FGD4: variants seen among roughly 807,000 people sequenced by gnomAD.
FGD4 encodes FYVE, RhoGEF and PH domain-containing protein 4.
FGD4 carries 42 observed loss-of-function variants against 102.0 expected under a neutral mutation model. The ratio of observed to expected loss-of-function variants is 0.41; its 90% CI spans 0.32 to 0.53. The LOEUF (loss-of-function observed/expected upper bound fraction) is 0.53. Ranked by LOEUF, FGD4 falls within the 20% of genes least tolerant of loss-of-function variation. The pLI, the probability that FGD4 is intolerant of heterozygous loss-of-function variation, is 0.21. For missense variants in FGD4, 902 were observed against 1,078.2 expected (o/e 0.84, Z 2.29); for synonymous variants, 380 against 375.7 (o/e 1.01, Z -0.13).
In FGD4 at chr12:32,624,478, C is replaced by CT. The variant is rs778590339; in HGVS notation, c.1953+29dup. The CT allele has an allele frequency of 4.5e-6, 7 of 1,558,408 alleles. No homozygotes were observed. In the African/African-American group the frequency reaches 7.2e-5, roughly 16 times the overall value. On this transcript the variant is annotated intron_variant, in intron 12 of 16. Coordinates refer to ENST00000534526, the MANE Select transcript of FGD4 (RefSeq NM_001370298.3). Reference sequence around the variant, plus strand: ...GTAAGCCTCATTTCTGTTTCCTTTTCTTTCTTTTTTTTTTTGAGGCAGAGT... The same window carrying CT: ...GTAAGCCTCATTTCTGTTTCCTTTTCTTTTCTTTTTTTTTTTGAGGCAGAGT...
chr12:32,399,642 G>C lies in FGD4; in HGVS notation c.-152G>C. 1 of 1,411,252 alleles carries C rather than the reference G, an allele frequency of 7.1e-7. No homozygotes were observed. The highest frequency in any genetic ancestry group is 3.0e-5 in the Admixed American group (1 of 33,040). The allele number at this position is 1,411,252 out of a possible 1,614,324, so 87.4% of individuals were successfully genotyped here. A position where few individuals can be genotyped will look rare whatever the true frequency, so the allele number is the denominator to read the frequency against. ...CCGGGAGGGAGCGTACCGGGAAGGA[G>C]AGGGAGAGGAGGCACTCGCTGAGGA... On this transcript the variant is annotated 5_prime_UTR_variant, in exon 1 of 17. Transcript: ENST00000534526.
chr12:32,639,099 C>T (rs1951016756), intron 16 of FGD4, among the ~76,000 whole-genome samples: 1 of 152,034 alleles, frequency 6.6e-6, no homozygotes, highest in African/African-American at 2.4e-5. Context: ...AGAAACAAGC[C>T]TTTTTAATGA....
chr12:32,408,144 C>T (rs1370066180), intron 1 of FGD4, among the ~76,000 whole-genome samples: 1 of 150,772 alleles, frequency 6.6e-6, no homozygotes, highest in African/African-American at 2.4e-5. Flanking sequence ...GGATTACAGG[C>T]CACACCATCA....
chr12:32,575,846 T>C (rs571534896), intron 2 of FGD4, among the ~76,000 whole-genome samples: 19 of 152,370 alleles, frequency 1.2e-4, no homozygotes, highest in African/African-American at 4.6e-4. Flanking sequence ...CTGTGGATTC[T>C]GGTATATCAA....
At chr12:32,481,459 T>G (rs1371364703) in intron 1 of FGD4, among the ~76,000 whole-genome samples, 2 of 152,184 alleles carry the variant, frequency 1.3e-5, no homozygotes, top group Non-Finnish European at 2.9e-5. Context: ...TGTAAGTATT[T>G]CTAAATAAAA....
chr12:32,409,329 C>T (rs1941100978), intron 1 of FGD4, among the ~76,000 whole-genome samples: 1 of 150,442 alleles, frequency 6.6e-6, no homozygotes, highest in African/African-American at 2.4e-5. Context: ...ACTCTTGTCC[C>T]CCAAGCTGGA....
rs61748364 is a variant in FGD4, at chr12:32,624,993, C to A, written c.1971C>A (p.Ile657=). ...EEWIKALQET[I]DAFHQRHETF... ...TACTTTAGGCCCTTCAAGAAACCAT[C>A]GATGCTTTTCATCAAAGGCATGAAA... Residue 657 remains isoleucine, a synonymous_variant, in exon 13 of 17, where the codon ATC becomes ATA. Transcript: ENST00000534526. 2 of 1,613,136 alleles carry A rather than the reference C, an allele frequency of 1.2e-6. No homozygotes were observed. Among genetic ancestry groups the A allele is most frequent in the Non-Finnish European group, 1.7e-6 (2 of 1,179,418 alleles).
At chr12:32,452,199 A>G (rs1942797885) in intron 1 of FGD4, among the ~76,000 whole-genome samples, 1 of 152,194 alleles carries the variant, frequency 6.6e-6, no homozygotes, top group Admixed American at 6.5e-5. Flanking sequence ...CTGTTTCACT[A>G]TTATTTTTCA....
At chr12:32,631,568 G>A (rs570788860) in intron 14 of FGD4, among the ~76,000 whole-genome samples, 20 of 148,122 alleles carry the variant, frequency 1.4e-4, no homozygotes, top group African/African-American at 3.3e-4. Context: ...GCACTGGCGC[G>A]ATCTTGGCTC....
rs534363352 is a variant in FGD4, at chr12:32,506,565, T to A, written c.167-57572T>A. 1.3e-5 allele frequency among the ~76,000 whole-genome samples: 2 copies of A among 152,240 alleles called. No homozygotes were observed. Among genetic ancestry groups the A allele is most frequent in the African/African-American group, 4.8e-5 (2 of 41,556 alleles). On this transcript the variant is annotated intron_variant, in intron 1 of 16. Transcript: ENST00000534526. This position sits in a 1 kb window ranked among gnomAD's most constrained non-coding sequence, Gnocchi z 4.5. ...ACTTTCCTGTGGGCCTTTCCACAGG[T>A]ATACGACCCGCACTTGCATACTTAA...
chr12:32,613,382 T>G (rs1949265850), intron 10 of FGD4, among the ~76,000 whole-genome samples: 1 of 152,238 alleles, frequency 6.6e-6, no homozygotes, highest in Non-Finnish European at 1.5e-5. Context: ...AAGCTTTTTT[T>G]GCAACAAAAT....
chr12:32,419,216 G>T (rs1941539041), intron 1 of FGD4, among the ~76,000 whole-genome samples: 1 of 152,184 alleles, frequency 6.6e-6, no homozygotes, highest in Non-Finnish European at 1.5e-5. Flanking sequence ...TGAGGTGCAA[G>T]ACAGAGAGTC....
At chr12:32,540,902 C>T (rs939635555) in intron 1 of FGD4, among the ~76,000 whole-genome samples, 1 of 152,066 alleles carries the variant, frequency 6.6e-6, no homozygotes, top group African/African-American at 2.4e-5. Context: ...TTGAGGTTCC[C>T]CCTCCCCATC....
chr12:32,497,015 G>C (rs995284197), intron 1 of FGD4, among the ~76,000 whole-genome samples: 4 of 152,280 alleles, frequency 2.6e-5, no homozygotes, highest in African/African-American at 9.6e-5. Context: ...CTGGGGCATT[G>C]GTAGATCTGG....
At chr12:32,597,262 G>A (rs1045233729) in intron 4 of FGD4, among the ~76,000 whole-genome samples, 1 of 152,210 alleles carries the variant, frequency 6.6e-6, no homozygotes, top group Non-Finnish European at 1.5e-5. Context: ...CTATTGATTG[G>A]TCTGGGCTTG....
At chr12:32,585,356 TA>T (rs1946940189) in intron 4 of FGD4, among the ~76,000 whole-genome samples, 1 of 150,438 alleles carries the variant, frequency 6.6e-6, no homozygotes, top group Non-Finnish European at 1.5e-5. Flanking sequence ...GTTCATAATA[TA>T]AGAAAGAAAA....
chr12:32,524,245 A>C (rs1241361680), intron 1 of FGD4, among the ~76,000 whole-genome samples: 1 of 151,026 alleles, frequency 6.6e-6, no homozygotes, highest in Non-Finnish European at 1.5e-5. Flanking sequence ...AAATACAAAA[A>C]ATTAGTCGGG....
intron 10 of FGD4, among the ~76,000 whole-genome samples, chr12:32,618,123 A>G (rs550771084): frequency 6.6e-6 from 1 of 152,366 alleles, no homozygotes; most frequent in South Asian, 2.1e-4. Flanking sequence ...CTTCATATTC[A>G]TGGACTTATT....
At chr12:32,433,304 T>C (rs1002769867) in intron 1 of FGD4, among the ~76,000 whole-genome samples, 2 of 152,090 alleles carry the variant, frequency 1.3e-5, no homozygotes, top group African/African-American at 4.8e-5. Flanking sequence ...TAAGATACTT[T>C]AACATAAATT....
Sources: allele counts gnomAD v4.1 joint callset (sites outside exome capture counted in the v4.1 genomes callset), GRCh38; gene constraint gnomAD v4.1.1; non-coding constraint Gnocchi (gnomAD v3.1); transcripts MANE v1.5; gene names NCBI Gene and HGNC (gene_info 2026-07-23, HGNC 2026-07-21).